The following CEP290 variants were observed in gnomAD, a reference collection of about 807,000 sequenced individuals.
The protein encoded by CEP290 is centrosomal protein of 290 kDa.
CEP290 carries 317 observed loss-of-function variants against 344.9 expected under a neutral mutation model. That is an observed-to-expected ratio of 0.92 (90% CI 0.84 to 1.01). The LOEUF is 1.01. Ranked by LOEUF, CEP290 falls within the 50% of genes least tolerant of loss-of-function variation. CEP290 has a pLI of 0.00. For synonymous variants in CEP290, 932 were observed against 895.8 expected, an observed-to-expected ratio of 1.04 and a Z score of -0.72; for missense variants, 2,754 against 2,761.4, an observed-to-expected ratio of 1.00 and a Z score of 0.06.
In CEP290 at chr12:88,117,125, T is replaced by G; in HGVS notation, c.1732A>C (p.Asn578His). The stretch of plus-strand genomic sequence containing the variant: ...CCTTGAGAAATGTTTTCAGTTAGGT[T>G]CAGGTCCTCAGTGGTTAATCCTATA... ...ATSGLTTEDL[N>H]LTENISQGDR... The change falls in exon 18 of 54, where the codon AAC (asparagine) becomes CAC (histidine). Residue 578 changes from asparagine (N) to histidine (H), a missense_variant. By Grantham distance (68) the Asn-to-His change is moderately conservative. Transcript: ENST00000552810. 1 of 1,549,414 alleles carries G rather than the reference T, an allele frequency of 6.5e-7. No homozygotes were observed. Among genetic ancestry groups the G allele is most frequent in the Non-Finnish European group, 8.8e-7 (1 of 1,139,936 alleles).
chr12:88,136,579 CAAT>C (rs1565925191), intron 6 of CEP290, 61 bp downstream of exon 6: 4 of 1,472,676 alleles, frequency 2.7e-6, no homozygotes, highest in East Asian at 4.5e-5. Context: ...ATATTGTTAC[CAAT>C]AATAATAAAA....
chr12:88,051,309 C>G (rs2033504186), intron 52 of CEP290, among the ~76,000 whole-genome samples: 1 of 150,960 alleles, frequency 6.6e-6, no homozygotes, highest in Admixed American at 6.7e-5. Context: ...AGCGATTCTC[C>G]TGCCTTAGCC....
intron 13 of CEP290, among the ~76,000 whole-genome samples, chr12:88,123,646 C>G (rs2039552930): frequency 6.6e-6 from 1 of 150,628 alleles, no homozygotes; most frequent in African/African-American, 2.5e-5. Flanking sequence ...TTAGATTTTT[C>G]TTCTTAACCT....
intron 35 of CEP290, 38 bp from the exon 36 acceptor site, chr12:88,083,992 G>T: frequency 1.6e-6 from 2 of 1,264,724 alleles, no homozygotes; most frequent in South Asian, 1.4e-5. Flanking sequence ...CTTAAATTGT[G>T]ATTAAAACAA....
At chr12:88,112,559 A>G (rs1419556011) in intron 20 of CEP290, among the ~76,000 whole-genome samples, 1 of 152,164 alleles carries the variant, frequency 6.6e-6, no homozygotes, top group Non-Finnish European at 1.5e-5. Context: ...AAGTATATAC[A>G]CACAATGCAC....
At position 88,109,165 on chromosome 12, in the gene CEP290, T is replaced by C; in HGVS notation, c.2384A>G (p.Glu795Gly). Residue 795 changes from glutamate (E) to glycine (G), a missense_variant, in exon 23 of 54, where the codon GAA (glutamate) becomes GGA (glycine). Physicochemically the swap from Glu to Gly is moderately conservative, Grantham distance 98. Transcript: ENST00000552810. ...IHLLQELENK[E>G]KKLKNLEDSL... ...ATCTTCTAAATTCTTTAACTTTTTT[T>C]CTTTATTTTCTAGTTCCTGAAAAGT... 4 of 1,251,922 alleles carry C rather than the reference T, an allele frequency of 3.2e-6. No individual in the cohort carries two copies. In the African/African-American group the frequency reaches 4.7e-5, roughly 15 times the overall value. 77.6% of individuals were successfully genotyped at this position (1,251,922 alleles called of 1,614,324 possible).
intron 10 of CEP290, 140 bp downstream of exon 10, chr12:88,129,554 A>G: frequency 1.9e-6 from 1 of 523,042 alleles, no homozygotes; most frequent in South Asian, 3.1e-5. Context: ...GGACAAATAT[A>G]CCAACATGAC....
At chr12:88,107,557 G>A (rs2038374287) in intron 23 of CEP290, among the ~76,000 whole-genome samples, 1 of 150,802 alleles carries the variant, frequency 6.6e-6, no homozygotes, top group South Asian at 2.1e-4. Flanking sequence ...GTTAATAACA[G>A]TATATTATAT....
Position 88,096,910 on chromosome 12 carries a change from G to A in CEP290, c.3081C>T (p.Ala1027=), listed in dbSNP as rs779561006. The A allele has an allele frequency of 6.4e-7, 1 of 1,569,452 alleles. No individual in the cohort carries two copies. The highest frequency in any genetic ancestry group is 1.8e-5 in the Admixed American group (1 of 55,480). ...TACCTAATTTAGTTTCCTGTTCCCAGGCTTGTTCAATAGTGTGAAGTTTTT... is the reference window on the plus strand; with the variant it reads ...TACCTAATTTAGTTTCCTGTTCCCAAGCTTGTTCAATAGTGTGAAGTTTTT... ...TKEKLHTIEQ[A]WEQETKLGNE... Residue 1027 remains alanine, a synonymous_variant, in exon 27 of 54, where the codon GCC becomes GCT. Coordinates refer to ENST00000552810, the MANE Select transcript of CEP290 (RefSeq NM_025114.4).
At chr12:88,131,824 TG>T (rs750277976) in intron 6 of CEP290, among the ~76,000 whole-genome samples, 1 of 152,136 alleles carries the variant, frequency 6.6e-6, no homozygotes, top group Non-Finnish European at 1.5e-5. Flanking sequence ...CCTAATAAAA[TG>T]GTTTTCTGCC....
intron 6 of CEP290, among the ~76,000 whole-genome samples, chr12:88,133,128 T>C (rs2040175151): frequency 6.7e-6 from 1 of 149,140 alleles, no homozygotes; most frequent in African/African-American, 2.5e-5. Flanking sequence ...AAGGCTAGAG[T>C]CCAGTGGTGC....
At chr12:88,075,349 C>G (rs2035683333) in intron 41 of CEP290, among the ~76,000 whole-genome samples, 1 of 152,044 alleles carries the variant, frequency 6.6e-6, no homozygotes, top group South Asian at 2.1e-4. Flanking sequence ...CAGTAGTTCT[C>G]TTTTCATGTT....
chr12:88,138,557 C>A (rs1339133388), intron 5 of CEP290, among the ~76,000 whole-genome samples: 1 of 152,102 alleles, frequency 6.6e-6, no homozygotes, highest in Non-Finnish European at 1.5e-5. Flanking sequence ...AAAATGTGAC[C>A]ACACCATTTC....
Position 88,064,043 on chromosome 12 carries a change from A to G in CEP290, c.6208T>C (p.Ser2070Pro). The change falls in exon 45 of 54, where the codon TCT (serine) becomes CCT (proline). Residue 2070 changes from serine (S) to proline (P), a missense_variant. Coordinates refer to ENST00000552810, the MANE Select transcript of CEP290 (RefSeq NM_025114.4). ...ELQKENLKLSSENIELKFQLE... is the reference protein window; with the variant it reads ...ELQKENLKLSPENIELKFQLE... ...TGAAATTTCAGTTCAATATTTTCAG[A>G]TGACAACTTCAAGTTTTCCTTCTGA... 1 of 1,595,634 alleles carries G rather than the reference A, an allele frequency of 6.3e-7. No individual in the cohort carries two copies. Among genetic ancestry groups the G allele is most frequent in the African/African-American group, 1.3e-5 (1 of 74,722 alleles).
At position 88,089,452 on chromosome 12, in the gene CEP290, C is replaced by T; in HGVS notation, c.3609G>A (p.Leu1203=). The change falls in exon 31 of 54, where the codon TTG becomes TTA. Residue 1203 remains leucine (L), a synonymous_variant. Coordinates refer to ENST00000552810, the MANE Select transcript of CEP290 (RefSeq NM_025114.4). ...GTTGAAGAGAGACATTATGTTGGTG[C>T]AACTTGGCAATGAGCGACTTTTCAT... ...QSDEKSLIAK[L]HQHNVSLQLS... 6.4e-7 allele frequency: 1 copy of T among 1,573,484 alleles called. No individual in the cohort carries two copies. Among genetic ancestry groups the T allele is most frequent in the Non-Finnish European group, 8.6e-7 (1 of 1,157,256 alleles).
intron 22 of CEP290, 28 bp from the exon 23 acceptor site, chr12:88,109,209 CA>C (rs201741056): frequency 3.1e-4 from 198 of 646,884 alleles, no homozygotes; most frequent in Middle Eastern, 1.1e-3. Flanking sequence ...AATAAGAATG[CA>C]AAAAAAAACA....
In CEP290 at chr12:88,087,877, A is replaced by C. The variant is rs1270381017; in HGVS notation, c.4097T>G (p.Val1366Gly). The change falls in exon 32 of 54, where the codon GTC (valine) becomes GGC (glycine). Residue 1366 changes from valine to glycine, a missense_variant. Val to Gly is a moderately radical substitution (Grantham distance 109). Coordinates refer to ENST00000552810, the MANE Select transcript of CEP290 (RefSeq NM_025114.4). Reference sequence around the variant, plus strand: ...ATATTTTATTTCTTCTTTATCCTTGACTAATTCCCGATTTAGTTTAAGTTC... The same window carrying C: ...ATATTTTATTTCTTCTTTATCCTTGCCTAATTCCCGATTTAGTTTAAGTTC... ...LQELKLNREL[V>G]KDKEEIKYLN... 5 of 1,236,272 alleles carry C rather than the reference A, an allele frequency of 4.0e-6. No individual in the cohort carries two copies. The highest frequency in any genetic ancestry group is 5.2e-6 in the Non-Finnish European group (5 of 964,766). The allele number at this position is 1,236,272 out of a possible 1,614,324, so 76.6% of individuals were successfully genotyped here. A position where few individuals can be genotyped will look rare whatever the true frequency, so the allele number is the denominator to read the frequency against.
chr12:88,122,569 C>A (rs2039471693), intron 13 of CEP290, among the ~76,000 whole-genome samples: 1 of 152,084 alleles, frequency 6.6e-6, no homozygotes, highest in Admixed American at 6.6e-5. Flanking sequence ...ATGTAGAGTA[C>A]AGTCTAGTAC....
In CEP290 at chr12:88,141,906, C is replaced by T. The variant is rs1340441468; in HGVS notation, c.-34G>A. 1 of 152,524 alleles carries T rather than the reference C, an allele frequency of 6.6e-6. No individual in the cohort carries two copies. Among genetic ancestry groups the T allele is most frequent in the Non-Finnish European group, 1.5e-5 (1 of 68,340 alleles). 9.4% of individuals were successfully genotyped at this position (152,524 alleles called of 1,614,324 possible). On this transcript the variant is annotated 5_prime_UTR_variant, in exon 1 of 54. Coordinates refer to ENST00000552810, the MANE Select transcript of CEP290 (RefSeq NM_025114.4). ...CTTACAAGGATCCACCCACCTAGAC[C>T]AAGCCTGGCAACCAGCGGAGGCCTC...
Sources: gnomAD v4.1 joint callset for allele counts (sites outside exome capture counted in the v4.1 genomes callset) on GRCh38, gnomAD v4.1.1 for gene constraint, MANE v1.5 for transcripts, NCBI Gene and HGNC (gene_info 2026-07-23, HGNC 2026-07-21) for gene names.